Variants in TMEM74 observed in about 807,000 individuals in gnomAD.
TMEM74 encodes transmembrane protein 74.
In TMEM74, 13 loss-of-function variants were observed where a neutral mutation model predicts 18.1. The observed-to-expected ratio is 0.72, with a 90% CI of 0.47 to 1.14. The LOEUF (loss-of-function observed/expected upper bound fraction) is 1.14, where lower values mean the gene tolerates loss of function less well. Among genes scored for constraint, TMEM74 ranks in the 50% most tolerant of loss-of-function variants. The probability of loss-of-function intolerance (pLI) is 0.00; values close to 1 mark genes in which losing one functional copy is unlikely to be tolerated. For missense variants in TMEM74, 372 were observed against 375.9 expected, an observed-to-expected ratio of 0.99 and a Z score of 0.09; for synonymous variants, 159 against 146.6, an observed-to-expected ratio of 1.08 and a Z score of -0.61.
chr8:108,635,569 A>T (rs1384457619), intron 2 of TMEM74, among the ~76,000 whole-genome samples: 2 of 152,026 alleles, frequency 1.3e-5, no homozygotes, highest in Non-Finnish European at 2.9e-5. Context: ...TTTAGACCAG[A>T]CAAGACAATT....
chr8:108,699,567 G>T lies in TMEM74; in HGVS notation n.120-44130C>A, dbSNP rs112142871. On this transcript the variant is annotated intron_variant and non_coding_transcript_variant, in intron 1 of 3. Transcript: ENST00000518838. Reference sequence around the variant, plus strand: ...GATATATTTGGGGAACAATTATATTGAAATAATAGACATAAAGGTAATGAA... The same window carrying T: ...GATATATTTGGGGAACAATTATATTTAAATAATAGACATAAAGGTAATGAA... Among the ~76,000 whole-genome samples, 1,509 of 152,166 alleles carry T rather than the reference G, an allele frequency of 9.9e-3. 20 individuals carry two copies. Among genetic ancestry groups the T allele is most frequent in the Non-Finnish European group, 0.012 (793 of 68,004 alleles).
chr8:108,645,167 C>T lies in TMEM74; in HGVS notation n.264+10126G>A, dbSNP rs556542199. On this transcript the variant is annotated intron_variant and non_coding_transcript_variant, in intron 2 of 3. Coordinates refer to the TMEM74 transcript ENST00000518838. ...TGCATATACACCATGGAATACTACACGCCACAAAAATGAATGAAATCATGA... is the reference window on the plus strand; with the variant it reads ...TGCATATACACCATGGAATACTACATGCCACAAAAATGAATGAAATCATGA... Among the ~76,000 whole-genome samples, 4 of 152,204 alleles carry T rather than the reference C, an allele frequency of 2.6e-5. No homozygotes were observed. The South Asian group carries it at 6.2e-4, about 24-fold the overall frequency.
chr8:108,664,799 G>C (rs928751508), intron 1 of TMEM74, among the ~76,000 whole-genome samples: 1 of 152,010 alleles, frequency 6.6e-6, no homozygotes, highest in African/African-American at 2.4e-5. Flanking sequence ...CTCAATGTGA[G>C]GGTAATAGTA....
intron 1 of TMEM74, among the ~76,000 whole-genome samples, chr8:108,719,984 A>C (rs1275159360): frequency 6.6e-6 from 1 of 152,166 alleles, no homozygotes; most frequent in Non-Finnish European, 1.5e-5. Context: ...CTACTAATTG[A>C]GTTTCTACAT....
chr8:108,764,698 G>A (rs1405581704), intron 1 of TMEM74, among the ~76,000 whole-genome samples: 1 of 152,130 alleles, frequency 6.6e-6, no homozygotes, highest in Non-Finnish European at 1.5e-5. Context: ...TGTCTGAATG[G>A]TGACAGAGGG....
chr8:108,708,023 C>G (rs939497313), intron 1 of TMEM74, among the ~76,000 whole-genome samples: 1 of 152,074 alleles, frequency 6.6e-6, no homozygotes, highest in Non-Finnish European at 1.5e-5. Context: ...CGTTCTCGCC[C>G]TCCTCCCACC....
intron 1 of TMEM74, among the ~76,000 whole-genome samples, chr8:108,688,088 C>G (rs998444742): frequency 6.6e-6 from 1 of 152,146 alleles, no homozygotes; most frequent in Non-Finnish European, 1.5e-5. Context: ...GAATTCAAAT[C>G]GAAGTAGAAA....
chr8:108,651,142 C>T (rs889526268), intron 2 of TMEM74, among the ~76,000 whole-genome samples: 1 of 152,076 alleles, frequency 6.6e-6, no homozygotes, highest in African/African-American at 2.4e-5. Flanking sequence ...TTTTGTTTGA[C>T]TCCACCAACT....
At chr8:108,705,618 C>T (rs961056000) in intron 1 of TMEM74, among the ~76,000 whole-genome samples, 2 of 152,036 alleles carry the variant, frequency 1.3e-5, no homozygotes, top group African/African-American at 4.8e-5. Context: ...AATGAATAAC[C>T]TCCTCAAGCA....
intron 1 of TMEM74, among the ~76,000 whole-genome samples, chr8:108,704,187 G>A (rs1415168079): frequency 6.6e-6 from 1 of 152,154 alleles, no homozygotes; most frequent in Non-Finnish European, 1.5e-5. Flanking sequence ...AATGCAAGAG[G>A]GGACTGAAAC....
chr8:108,659,321 T>C (rs1812877759), intron 1 of TMEM74, among the ~76,000 whole-genome samples: 2 of 149,622 alleles, frequency 1.3e-5, no homozygotes, highest in South Asian at 4.3e-4. Context: ...TGAAGTTTTC[T>C]AAGGCAAGTG....
At chr8:108,649,477 T>A (rs1306105616) in intron 2 of TMEM74, among the ~76,000 whole-genome samples, 1 of 152,210 alleles carries the variant, frequency 6.6e-6, no homozygotes, top group Admixed American at 6.5e-5. Context: ...TTATGTTTAG[T>A]AATAGTGACA....
downstream of TMEM74, among the ~76,000 whole-genome samples, chr8:108,778,011 T>C (rs1459250049): frequency 1.3e-5 from 2 of 152,154 alleles, no homozygotes; most frequent in African/African-American, 2.4e-5. Context: ...TTAATAAAGA[T>C]CTACTAAATT....
intron 1 of TMEM74, among the ~76,000 whole-genome samples, chr8:108,701,161 T>C (rs1446251110): frequency 7.0e-6 from 1 of 142,392 alleles, no homozygotes. Context: ...AAATGCAGAA[T>C]AAGCATTTGA....
chr8:108,663,225 T>C (rs982296289), intron 1 of TMEM74, among the ~76,000 whole-genome samples: 2 of 152,052 alleles, frequency 1.3e-5, no homozygotes, highest in African/African-American at 4.8e-5. Context: ...AAGGTCTGGA[T>C]ATAAGACTCT....
intron 2 of TMEM74, among the ~76,000 whole-genome samples, chr8:108,627,972 C>T (rs140860383): frequency 7.6e-4 from 115 of 152,050 alleles, no homozygotes; most frequent in African/African-American, 2.4e-3. Context: ...GCAGGAGGAT[C>T]GCTTAAGACT....
At chr8:108,710,107 G>A (rs539116480) in intron 1 of TMEM74, among the ~76,000 whole-genome samples, 1 of 152,326 alleles carries the variant, frequency 6.6e-6, no homozygotes, top group African/African-American at 2.4e-5. Flanking sequence ...AAGAGTTAAT[G>A]AGATTGCATC....
chr8:108,751,740 A>T (rs7016699), intron 1 of TMEM74, among the ~76,000 whole-genome samples: 1 of 152,086 alleles, frequency 6.6e-6, no homozygotes, highest in Non-Finnish European at 1.5e-5. Flanking sequence ...AAATCCAAAC[A>T]AACCTACCTA....
chr8:108,642,610 T>C (rs940246628), intron 2 of TMEM74, among the ~76,000 whole-genome samples: 6 of 152,116 alleles, frequency 3.9e-5, no homozygotes, highest in Non-Finnish European at 8.8e-5. Context: ...TTAGAATTAA[T>C]TAACTACTGA....
Sources: gnomAD v4.1 joint callset for allele counts (sites outside exome capture counted in the v4.1 genomes callset) on GRCh38, gnomAD v4.1.1 for gene constraint, MANE v1.5 for transcripts, NCBI Gene and HGNC (gene_info 2026-07-23, HGNC 2026-07-21) for gene names.